The following SETBP1 variants were observed in gnomAD, a reference collection of about 807,000 sequenced individuals.
The protein encoded by SETBP1 is SET binding protein 1, also known as SET-binding protein.
Under a neutral mutation model 101.0 loss-of-function variants are expected in SETBP1, and 9 were observed. That is an observed-to-expected ratio of 0.09 (90% confidence interval 0.05 to 0.16). The LOEUF is 0.16. Among genes scored for constraint, SETBP1 ranks in the 10% least tolerant of loss-of-function variants. The probability of loss-of-function intolerance (pLI) is 1.00; values close to 1 mark genes in which losing one functional copy is unlikely to be tolerated. For missense variants in SETBP1, 1,858 were observed against 2,033.8 expected, an observed-to-expected ratio of 0.91 and a Z score of 1.66; for synonymous variants, 818 against 788.5, an observed-to-expected ratio of 1.04 and a Z score of -0.63.
intron 2 of SETBP1, among the ~76,000 whole-genome samples, chr18:44,789,572 C>A (rs1407092864): frequency 1.3e-5 from 2 of 152,200 alleles, no homozygotes; most frequent in South Asian, 4.1e-4. Context: ...AACTTAAATA[C>A]TGTTGAAATT....
chr18:44,966,985 T>C (rs1337509225), intron 4 of SETBP1, among the ~76,000 whole-genome samples: 4 of 152,222 alleles, frequency 2.6e-5, no homozygotes, highest in African/African-American at 7.2e-5. Flanking sequence ...TTCATTTCCT[T>C]TCACTTCCAC....
intron 3 of SETBP1, among the ~76,000 whole-genome samples, chr18:44,891,153 C>T (rs992129790): frequency 8.5e-5 from 13 of 152,078 alleles, no homozygotes; most frequent in Non-Finnish European, 7.4e-5. Context: ...CCTAATAGAA[C>T]CATCAGATCT....
intron 3 of SETBP1, among the ~76,000 whole-genome samples, chr18:44,939,970 G>T (rs190103442): frequency 6.6e-6 from 1 of 152,080 alleles, no homozygotes; most frequent in African/African-American, 2.4e-5. Flanking sequence ...AAATTTGTTC[G>T]GCAATTACTG....
chr18:44,782,096 G>A (rs891481508), intron 2 of SETBP1, among the ~76,000 whole-genome samples: 3 of 152,108 alleles, frequency 2.0e-5, no homozygotes, highest in African/African-American at 7.2e-5. Context: ...AATGCAGAAC[G>A]ACCTCAACCA....
intron 2 of SETBP1, among the ~76,000 whole-genome samples, chr18:44,760,778 A>G (rs2144586107): frequency 6.6e-6 from 1 of 152,252 alleles, no homozygotes; most frequent in South Asian, 2.1e-4. Flanking sequence ...CTGTTTTTTA[A>G]CTCGCAGTAA....
At chr18:44,918,882 C>T (rs983086360) in intron 3 of SETBP1, among the ~76,000 whole-genome samples, 8 of 152,240 alleles carry the variant, frequency 5.3e-5, no homozygotes, top group Admixed American at 2.0e-4. Context: ...GTAGGGGAAA[C>T]TCCCCTTTCC....
chr18:45,006,046 C>T lies in SETBP1; in HGVS notation c.4001-32439C>T, dbSNP rs185679786. 3.0e-3 allele frequency among the ~76,000 whole-genome samples: 444 copies of T among 149,024 alleles called. 1 individual carries two copies. Among genetic ancestry groups the T allele is most frequent in the African/African-American group, 0.01 (421 of 40,340 alleles). On this transcript the variant is annotated intron_variant, in intron 4 of 5. Transcript: ENST00000649279. Reference sequence around the variant, plus strand: ...TCAGCTCACTGCAAGCTCCACCTCTCGGGTTCAAGTGATTCTCCTGCCTCA... The same window carrying T: ...TCAGCTCACTGCAAGCTCCACCTCTTGGGTTCAAGTGATTCTCCTGCCTCA...
At chr18:44,960,461 A>G (rs911536792) in intron 4 of SETBP1, among the ~76,000 whole-genome samples, 11 of 152,144 alleles carry the variant, frequency 7.2e-5, no homozygotes, top group Non-Finnish European at 1.3e-4. Flanking sequence ...CAGGCCCCCA[A>G]GTAGCTAGGA....
chr18:44,995,721 TTCTTGGTGCATCCTCACATG>T, intron 4 of SETBP1, among the ~76,000 whole-genome samples: 1 of 152,282 alleles, frequency 6.6e-6, no homozygotes, highest in African/African-American at 2.4e-5. Context: ...GCCAAGGACC[TTCTTGGTGCATCCTCACATG>T]GTGGAAGGTA....
chr18:44,698,566 C>T (rs1004087248), intron 1 of SETBP1, among the ~76,000 whole-genome samples: 12 of 152,156 alleles, frequency 7.9e-5, no homozygotes, highest in South Asian at 4.1e-4. Context: ...TTCTCTGCTA[C>T]GTCTTCCTTC....
At chr18:45,062,378 G>A (rs1317028824) in intron 5 of SETBP1, among the ~76,000 whole-genome samples, 1 of 152,198 alleles carries the variant, frequency 6.6e-6, no homozygotes, top group Non-Finnish European at 1.5e-5. Flanking sequence ...GAAGGACCTG[G>A]TTAACTGAAT....
chr18:44,919,806 C>T (rs1016375368), intron 3 of SETBP1, among the ~76,000 whole-genome samples: 1 of 151,854 alleles, frequency 6.6e-6, no homozygotes, highest in Non-Finnish European at 1.5e-5. Context: ...CACACATATG[C>T]ATATACATAC....
intron 3 of SETBP1, among the ~76,000 whole-genome samples, chr18:44,889,048 C>CT: frequency 6.6e-6 from 1 of 152,204 alleles, no homozygotes; most frequent in South Asian, 2.1e-4. Context: ...CCTTAATTTA[C>CT]TTGAAAGTTG....
Position 44,950,278 on chromosome 18 carries a change from C to T in SETBP1, c.938C>T (p.Pro313Leu), listed in dbSNP as rs755099673. The T allele has an allele frequency of 1.9e-6, 3 of 1,614,032 alleles. No homozygotes were observed. The East Asian group carries it at 6.7e-5, about 36-fold the overall frequency. Residue 313 changes from proline to leucine, a missense_variant, in exon 4 of 6, where the codon CCC (proline) becomes CTC (leucine). Physicochemically the swap from Pro to Leu is moderately conservative, Grantham distance 98. Transcript: ENST00000649279. ...TCTGCTGAGTGCAACGGGCTTCAGC[C>T]CTTGGTGGATCAAGATGGAGGAGGT... The part of the protein sequence containing the change: ...SSSAECNGLQ[P>L]LVDQDGGGTK...
intron 3 of SETBP1, among the ~76,000 whole-genome samples, chr18:44,879,722 G>A: frequency 6.6e-6 from 1 of 152,160 alleles, no homozygotes; most frequent in Non-Finnish European, 1.5e-5. Flanking sequence ...CTGGGAGAAT[G>A]GCCCTAGGAG....
intron 2 of SETBP1, among the ~76,000 whole-genome samples, chr18:44,750,027 A>G (rs531389691): frequency 1.3e-5 from 2 of 152,330 alleles, no homozygotes; most frequent in Admixed American, 1.3e-4. Flanking sequence ...AGAACAGGAA[A>G]GATTTCAAGT....
At position 44,688,476 on chromosome 18, in the gene SETBP1, AT is replaced by A. The variant is rs879711867; in HGVS notation, c.-173+7471del. On this transcript the variant is annotated intron_variant, in intron 1 of 5. Coordinates refer to ENST00000649279, the MANE Select transcript of SETBP1 (RefSeq NM_015559.3). ...TGTTATTTGAGCAATGAGACCTTTG[AT>A]TTTTTTTTTTTTTTTGAGATGAAGT... Among the ~76,000 whole-genome samples, 746 of 138,388 alleles carry A rather than the reference AT, an allele frequency of 5.4e-3. 1 individual carries two copies. Among genetic ancestry groups the A allele is most frequent in the African/African-American group, 9.3e-3 (352 of 37,812 alleles). 90.8% of individuals were successfully genotyped at this position (138,388 alleles called of 152,430 possible).
intron 3 of SETBP1, among the ~76,000 whole-genome samples, chr18:44,889,734 A>G (rs535842841): frequency 6.6e-6 from 1 of 152,172 alleles, no homozygotes; most frequent in Non-Finnish European, 1.5e-5. Flanking sequence ...ATATATGTGT[A>G]TATATACATA....
intron 2 of SETBP1, among the ~76,000 whole-genome samples, chr18:44,815,942 T>C (rs1006214618): frequency 6.6e-6 from 1 of 152,230 alleles, no homozygotes; most frequent in Non-Finnish European, 1.5e-5. Context: ...GTCTATAATA[T>C]AGCTTTTCTG....
Sources: allele counts gnomAD v4.1 joint callset (sites outside exome capture counted in the v4.1 genomes callset), GRCh38; gene constraint gnomAD v4.1.1; transcripts MANE v1.5; gene names NCBI Gene and HGNC (gene_info 2026-07-23, HGNC 2026-07-21).